CFAP92: variants seen among roughly 807,000 people sequenced by gnomAD.
CFAP92 encodes the protein uncharacterized protein CFAP92.
CFAP92 carries 86 observed loss-of-function variants against 106.3 expected under a neutral mutation model. That is an observed-to-expected ratio of 0.81 (90% confidence interval 0.68 to 0.97). The LOEUF is 0.97. CFAP92 is among the 50% of genes least tolerant of loss of function. CFAP92 has a pLI of 0.00. For missense variants in CFAP92, 1,204 were observed against 1,283.8 expected, an observed-to-expected ratio of 0.94 and a Z score of 0.95; for synonymous variants, 477 against 506.4, an observed-to-expected ratio of 0.94 and a Z score of 0.78.
chr3:128,980,988 T>C (rs1224145265), intron 4 of CFAP92, among the ~76,000 whole-genome samples: 1 of 152,092 alleles, frequency 6.6e-6, no homozygotes, highest in African/African-American at 2.4e-5. Flanking sequence ...GAATCACAGA[T>C]GTTTTAAAGA....
intron 12 of CFAP92, among the ~76,000 whole-genome samples, chr3:128,925,688 A>G (rs1937596433): frequency 3.3e-5 from 5 of 152,208 alleles, no homozygotes; most frequent in Admixed American, 3.3e-4. Flanking sequence ...AAATCAAGCT[A>G]CAGATTTAAC....
chr3:128,983,448 T>C (rs995695140), intron 4 of CFAP92, among the ~76,000 whole-genome samples: 3 of 152,126 alleles, frequency 2.0e-5, no homozygotes, highest in African/African-American at 7.2e-5. Context: ...AGGTAGTCCT[T>C]AACAAAGCCA....
intron 7 of CFAP92, among the ~76,000 whole-genome samples, chr3:128,975,123 AAAAAT>A (rs146013051): frequency 0.032 from 4,892 of 152,146 alleles, 239 homozygotes; most frequent in African/African-American, 0.11. Flanking sequence ...CCATCTCAAA[AAAAAT>A]AAAATAAAAT....
At chr3:129,022,690 C>T in the CFAP92 span, among the ~76,000 whole-genome samples, 2 of 152,144 alleles carry the variant, frequency 1.3e-5, no homozygotes, top group African/African-American at 4.8e-5. Context: ...GCTACTGGGG[C>T]CTGCCTTTCC....
chr3:128,925,945 C>T (rs1421640882), intron 12 of CFAP92, among the ~76,000 whole-genome samples: 1 of 151,994 alleles, frequency 6.6e-6, no homozygotes, highest in Admixed American at 6.6e-5. Flanking sequence ...GGAAAAATAC[C>T]CAAAAAATCT....
At chr3:128,913,318 A>AGAT (rs1936548009) in intron 15 of CFAP92, among the ~76,000 whole-genome samples, 1 of 152,166 alleles carries the variant, frequency 6.6e-6, no homozygotes. Flanking sequence ...CCTTCTCAGG[A>AGAT]GATGATGGGG....
intron 10 of CFAP92, among the ~76,000 whole-genome samples, chr3:128,938,156 G>A (rs187555403): frequency 6.6e-6 from 1 of 151,022 alleles, no homozygotes. Flanking sequence ...TGCTTGAGGT[G>A]GGGGGGTCAA....
rs1412980884 is a variant in CFAP92 at position 128,988,801 on chromosome 3, T to A, written c.380A>T (p.Asp127Val). Reference protein sequence around the residue: ...YHIEYFLLPDDEEPKKVDILL... With the variant: ...YHIEYFLLPDVEEPKKVDILL... ...TATGTCAACTTTTTTAGGTTCTTCA[T>A]CGTCCGGCAGAAGGAAATACTCAAT... Residue 127 changes from aspartate to valine, a missense_variant, in exon 3 of 16, where the codon GAT becomes GTT. Transcript: ENST00000645291. 2.5e-6 allele frequency: 4 copies of A among 1,613,620 alleles called. No individual in the cohort carries two copies. The highest frequency in any genetic ancestry group is 3.4e-6 in the Non-Finnish European group (4 of 1,179,900).
intron 4 of CFAP92, among the ~76,000 whole-genome samples, chr3:128,979,972 A>ATATATATATATATATATAT (rs59347397): frequency 1.4e-5 from 2 of 144,826 alleles, no homozygotes; most frequent in African/African-American, 5.0e-5. Flanking sequence ...ATATATATAT[A>ATATATATATATATATATAT]AAAGAAAAAA....
At position 128,945,615 on chromosome 3, in the gene CFAP92, C is replaced by T. The variant is rs1392045292; in HGVS notation, c.1714G>A (p.Asp572Asn). ...PYGIAQVSFA[D>N]LLLGHKYLNL... is the part of the protein sequence containing the mutation. The stretch of plus-strand genomic sequence containing the variant: ...AAGTACTTGTGGCCAAGGAGGAGGT[C>T]AGCAAAACTGACCTGGGCGATGCCA... Residue 572 changes from aspartate (D) to asparagine (N), a missense_variant, in exon 10 of 16, where the codon GAC (aspartate) becomes AAC (asparagine). Physicochemically the swap from Asp to Asn is conservative, Grantham distance 23. Transcript: ENST00000645291. 7.2e-6 allele frequency: 11 copies of T among 1,535,978 alleles called. No homozygotes were observed. Among genetic ancestry groups the T allele is most frequent in the African/African-American group, 6.8e-5 (5 of 73,016 alleles).
chr3:128,949,891 T>G (rs768981507), intron 9 of CFAP92, among the ~76,000 whole-genome samples: 1 of 152,164 alleles, frequency 6.6e-6, no homozygotes, highest in Non-Finnish European at 1.5e-5. Flanking sequence ...TTCCCCCATG[T>G]TGGCCAGGCT....
At position 128,909,915 on chromosome 3, in the gene CFAP92, C is replaced by T. The variant is rs1936075442; in HGVS notation, c.*384G>A. 6.6e-7 allele frequency: 1 copy of T among 1,512,414 alleles called. No homozygotes were observed. The highest frequency in any genetic ancestry group is 9.0e-7 in the Non-Finnish European group (1 of 1,105,366). The allele number at this position is 1,512,414 out of a possible 1,614,324, so 93.7% of individuals were successfully genotyped here. ...AAAGGTGTTATTGACTCCACTTTCTCAAGGAACACAGGAGACTAAGACAGG... is the reference window on the plus strand; with the variant it reads ...AAAGGTGTTATTGACTCCACTTTCTTAAGGAACACAGGAGACTAAGACAGG... On this transcript the variant is annotated 3_prime_UTR_variant, in exon 16 of 16. Transcript: ENST00000645291.
chr3:129,024,706 G>C, the CFAP92 span, among the ~76,000 whole-genome samples: 1 of 152,156 alleles, frequency 6.6e-6, no homozygotes, highest in Admixed American at 6.5e-5. Flanking sequence ...CCTGTATCTG[G>C]AGCCCACTCC....
chr3:128,935,351 G>A (rs1938884015), intron 10 of CFAP92, 32 bp from the exon 11 acceptor site: 3 of 1,426,642 alleles, frequency 2.1e-6, no homozygotes. Context: ...GAGCTAACTT[G>A]CATGGCAGCT....
At position 128,971,580 on chromosome 3, in the gene CFAP92, A is replaced by G; in HGVS notation, c.1022-147T>C. 4 of 672,982 alleles carry G rather than the reference A, an allele frequency of 5.9e-6. No homozygotes were observed. The South Asian group carries it at 8.1e-5, about 14-fold the overall frequency. 41.7% of individuals were successfully genotyped at this position (672,982 alleles called of 1,614,324 possible). Reference sequence around the variant, plus strand: ...ATTCTTTGTGTGACTGCCTCTTCCCAGCAACCAGAAGTGGTGGCTAAATAT... The same window carrying G: ...ATTCTTTGTGTGACTGCCTCTTCCCGGCAACCAGAAGTGGTGGCTAAATAT... On this transcript the variant is annotated intron_variant, in intron 7 of 15. Coordinates refer to ENST00000645291, the MANE Select transcript of CFAP92 (RefSeq NM_001394090.1).
chr3:128,950,122 C>T (rs1940636690), intron 9 of CFAP92, among the ~76,000 whole-genome samples: 1 of 152,212 alleles, frequency 6.6e-6, no homozygotes, highest in African/African-American at 2.4e-5. Flanking sequence ...GCATCTGTGC[C>T]GTTCCCAAAT....
At chr3:128,963,717 G>A (rs1388590689) in intron 9 of CFAP92, among the ~76,000 whole-genome samples, 1 of 149,850 alleles carries the variant, frequency 6.7e-6, no homozygotes, top group Non-Finnish European at 1.5e-5. Flanking sequence ...GCAAAGGCAG[G>A]CTATGCTATA....
At chr3:129,005,296 G>A (rs575673899), upstream of CFAP92, among the ~76,000 whole-genome samples, 1 of 152,222 alleles carries the variant, frequency 6.6e-6, no homozygotes, top group African/African-American at 2.4e-5. Context: ...GGATGTTACC[G>A]GGCCAGATGG....
chr3:128,947,534 C>G (rs1420032693), intron 9 of CFAP92, among the ~76,000 whole-genome samples: 1 of 152,182 alleles, frequency 6.6e-6, no homozygotes, highest in East Asian at 1.9e-4. Flanking sequence ...TGTCGTGTTG[C>G]TGAAAGGACA....
Sources: allele counts gnomAD v4.1 joint callset (sites outside exome capture counted in the v4.1 genomes callset), GRCh38; gene constraint gnomAD v4.1.1; transcripts MANE v1.5; gene names NCBI Gene and HGNC (gene_info 2026-07-23, HGNC 2026-07-21).